The following SPEF2 variants were observed in gnomAD, a reference collection of about 807,000 sequenced individuals.
SPEF2 encodes sperm flagella and cilia-associated protein 2.
SPEF2 carries 187 observed loss-of-function variants against 224.6 expected under a neutral mutation model. That is an observed-to-expected ratio of 0.83 (90% confidence interval 0.74 to 0.94). The LOEUF (loss-of-function observed/expected upper bound fraction) is 0.94, where lower values mean the gene tolerates loss of function less well. SPEF2 is among the 40% of genes least tolerant of loss of function. SPEF2 has a pLI of 0.00. For synonymous variants in SPEF2, 715 were observed against 707.3 expected (o/e 1.01, Z -0.17); for missense variants, 2,170 against 2,135.6 (o/e 1.02, Z -0.32).
In SPEF2 at chr5:35,759,659, G is replaced by A. The variant is rs1750944926; in HGVS notation, c.3560G>A (p.Arg1187Lys). 1.2e-6 allele frequency: 2 copies of A among 1,610,692 alleles called. No homozygotes were observed. The change falls in exon 25 of 37, where the codon AGA becomes AAA. Residue 1187 changes from arginine (R) to lysine (K), a missense_variant. By Grantham distance (26) the Arg-to-Lys change is conservative (BLOSUM62 2). Coordinates refer to ENST00000356031, the MANE Select transcript of SPEF2 (RefSeq NM_024867.4). ...AAAATCCCAGTAGAGGACAACAAGA[G>A]ATTTACTCGAATCCCTTTGGTCCAA... ...ESKIPVEDNKRFTRIPLVQLD... is the reference protein window; with the variant it reads ...ESKIPVEDNKKFTRIPLVQLD...
rs756462091 is a variant in SPEF2 at position 35,795,796 on chromosome 5, G to A, written c.4830+1G>A. The A allele has an allele frequency of 6.2e-6, 10 of 1,604,480 alleles. No homozygotes were observed. Among genetic ancestry groups the A allele is most frequent in the Admixed American group, 1.7e-5 (1 of 58,946 alleles). On this transcript the variant is annotated splice_donor_variant, in intron 33 of 36. Coordinates refer to ENST00000356031, the MANE Select transcript of SPEF2 (RefSeq NM_024867.4). LOFTEE classifies it high-confidence loss of function. ...TAATAGGCAGGAGCATCTTATAGAG[G>A]TAATGACTGAGATCTTTAAAACATG...
At chr5:35,764,210 G>C (rs1337743878) in intron 26 of SPEF2, among the ~76,000 whole-genome samples, 1 of 152,036 alleles carries the variant, frequency 6.6e-6, no homozygotes, top group Admixed American at 6.5e-5. Flanking sequence ...GCAAATCACA[G>C]TCTGGCCTAT....
At chr5:35,764,061 A>G (rs955554706) in intron 26 of SPEF2, among the ~76,000 whole-genome samples, 1 of 152,226 alleles carries the variant, frequency 6.6e-6, no homozygotes, top group Admixed American at 6.5e-5. Flanking sequence ...TGCAATTGCC[A>G]TTTAAAAATG....
At chr5:35,681,483 A>G (rs1752792435) in intron 10 of SPEF2, among the ~76,000 whole-genome samples, 1 of 152,226 alleles carries the variant, frequency 6.6e-6, no homozygotes, top group African/African-American at 2.4e-5. Context: ...GATGGTAATT[A>G]TAGACATGAG....
intron 30 of SPEF2, chr5:35,781,589 C>G (rs1280683910): frequency 6.6e-6 from 1 of 152,090 alleles, no homozygotes; most frequent in African/African-American, 2.4e-5. Flanking sequence ...ACCACCTCCT[C>G]CCACCCAAGC....
At chr5:35,800,168 G>T in intron 34 of SPEF2, 21 bp downstream of exon 34, 1 of 1,613,472 alleles carries the variant, frequency 6.2e-7, no homozygotes, top group Non-Finnish European at 8.5e-7. Context: ...TCCAGAAATA[G>T]ACTAACTATA....
intron 1 of SPEF2, among the ~76,000 whole-genome samples, chr5:35,625,817 A>C (rs1744158323): frequency 6.6e-6 from 1 of 152,162 alleles, no homozygotes; most frequent in Non-Finnish European, 1.5e-5. Flanking sequence ...GGGGTCTGTA[A>C]GGGAAGGAGA....
intron 14 of SPEF2, among the ~76,000 whole-genome samples, 198 bp from the exon 15 acceptor site, chr5:35,697,492 G>A (rs1755503332): frequency 6.6e-6 from 1 of 152,162 alleles, no homozygotes; most frequent in Admixed American, 6.6e-5. Flanking sequence ...TACGATCTTG[G>A]AAGGGAGGGA....
At chr5:35,726,990 C>T (rs5867285) in intron 20 of SPEF2, among the ~76,000 whole-genome samples, 31,993 of 148,100 alleles carry the variant, frequency 0.22, 3,664 homozygotes, top group South Asian at 0.33. Flanking sequence ...GCACCCCCCC[C>T]CTTTCCTCCC....
chr5:35,626,028 C>T (rs1375253688), intron 1 of SPEF2, among the ~76,000 whole-genome samples: 1 of 152,060 alleles, frequency 6.6e-6, no homozygotes, highest in Non-Finnish European at 1.5e-5. Flanking sequence ...AATGGTGTTG[C>T]GTTAAAGTCG....
chr5:35,807,813 G>T lies in SPEF2; in HGVS notation c.5379+560G>T. The stretch of plus-strand genomic sequence containing the variant: ...CAGAAATCACATAACCACCAAGCAG[G>T]TCTGGACCACACATGCTAAATGTGC... On this transcript the variant is annotated intron_variant, in intron 36 of 36. Coordinates refer to ENST00000356031, the MANE Select transcript of SPEF2 (RefSeq NM_024867.4). 2.0e-6 allele frequency: 3 copies of T among 1,533,794 alleles called. No individual in the cohort carries two copies. In the South Asian group the frequency reaches 3.6e-5, roughly 18 times the overall value.
chr5:35,713,880 A>G (rs867298766), intron 20 of SPEF2, among the ~76,000 whole-genome samples: 6 of 116,542 alleles, frequency 5.1e-5, no homozygotes, highest in South Asian at 4.7e-4. Context: ...TATATATTTT[A>G]TATATAGTAT....
At chr5:35,704,930 A>G (rs1186025681) in intron 17 of SPEF2, among the ~76,000 whole-genome samples, 1 of 152,126 alleles carries the variant, frequency 6.6e-6, no homozygotes, top group Non-Finnish European at 1.5e-5. Flanking sequence ...AGTTAATTAT[A>G]TGGAATCCTG....
intron 12 of SPEF2, among the ~76,000 whole-genome samples, chr5:35,693,578 T>A (rs1202485835): frequency 6.6e-6 from 1 of 152,156 alleles, no homozygotes; most frequent in African/African-American, 2.4e-5. Flanking sequence ...GTAGTCCAGC[T>A]CCTTCATTCT....
intron 20 of SPEF2, among the ~76,000 whole-genome samples, chr5:35,725,912 A>C (rs1363986890): frequency 6.6e-6 from 1 of 152,156 alleles, no homozygotes; most frequent in African/African-American, 2.4e-5. Context: ...ATTATTTTCC[A>C]AACTTTTCAT....
chr5:35,768,759 C>T (rs1752415340), intron 26 of SPEF2, among the ~76,000 whole-genome samples: 1 of 152,052 alleles, frequency 6.6e-6, no homozygotes, highest in Non-Finnish European at 1.5e-5. Flanking sequence ...ACTTTGATAT[C>T]ACACAATCTT....
intron 17 of SPEF2, among the ~76,000 whole-genome samples, chr5:35,705,370 TGATGTTTTCTTAGATTTTCACTTAGA>T (rs1418217332): frequency 6.6e-6 from 1 of 152,028 alleles, no homozygotes; most frequent in African/African-American, 2.4e-5. Context: ...TGAGCACAGA[TGATGTTTTCTTAGATTTTCACTTAGA>T]GACCTGTACT....
chr5:35,774,394 G>A (rs777236572), intron 28 of SPEF2, among the ~76,000 whole-genome samples: 7 of 152,160 alleles, frequency 4.6e-5, no homozygotes, highest in Non-Finnish European at 1.0e-4. Flanking sequence ...ACTACCTAAA[G>A]TAAGTGGTTT....
intron 8 of SPEF2, among the ~76,000 whole-genome samples, chr5:35,662,817 C>T (rs1177172874): frequency 6.6e-6 from 1 of 151,998 alleles, no homozygotes; most frequent in Non-Finnish European, 1.5e-5. Flanking sequence ...ATTACTCTAG[C>T]CCTGTGTAGT....
Sources: gnomAD v4.1 joint callset for allele counts (sites outside exome capture counted in the v4.1 genomes callset) on GRCh38, gnomAD v4.1.1 for gene constraint, MANE v1.5 for transcripts, NCBI Gene and HGNC (gene_info 2026-07-23, HGNC 2026-07-21) for gene names.